Variants in LITAF observed in about 807,000 individuals in gnomAD.
LITAF encodes lipopolysaccharide-induced tumor necrosis factor-alpha factor.
In LITAF, 9 loss-of-function variants were observed where a neutral mutation model predicts 14.5. That is an observed-to-expected ratio of 0.62 (90% CI 0.37 to 1.08). The LOEUF is 1.08. Among genes scored for constraint, LITAF ranks in the 50% least tolerant of loss-of-function variants. The pLI is 0.01. For missense variants in LITAF, 206 were observed against 213.4 expected, an observed-to-expected ratio of 0.97 and a Z score of 0.22; for synonymous variants, 98 against 88.2, an observed-to-expected ratio of 1.11 and a Z score of -0.62.
At chr16:11,590,288 A>G (rs182064039), upstream of LITAF, among the ~76,000 whole-genome samples, 1 of 118,578 alleles carries the variant, frequency 8.4e-6, no homozygotes, top group Admixed American at 8.2e-5. Flanking sequence ...AAGATTTAAT[A>G]TAGTTAAAGT....
At chr16:11,567,871 C>G (rs371673124) in intron 1 of LITAF, among the ~76,000 whole-genome samples, 36 of 152,298 alleles carry the variant, frequency 2.4e-4, no homozygotes, top group African/African-American at 8.2e-4. Flanking sequence ...GTAATCCCAG[C>G]TATGTGGGTG....
At chr16:11,568,058 C>T (rs146452663) in intron 1 of LITAF, among the ~76,000 whole-genome samples, 4 of 151,928 alleles carry the variant, frequency 2.6e-5, no homozygotes, top group Non-Finnish European at 2.9e-5. Context: ...AAGCCCAAGG[C>T]GGGAGGATGG....
At chr16:11,630,369 G>A (rs978331425) in intron 3 of LITAF, among the ~76,000 whole-genome samples, 2 of 152,096 alleles carry the variant, frequency 1.3e-5, no homozygotes, top group African/African-American at 4.8e-5. Context: ...CTTTAAACTC[G>A]CCAATGATGT....
At chr16:11,598,072 A>G (rs2141860235) in intron 1 of LITAF, among the ~76,000 whole-genome samples, 1 of 152,122 alleles carries the variant, frequency 6.6e-6, no homozygotes, top group African/African-American at 2.4e-5. Flanking sequence ...CGCCCGGGTA[A>G]TTTTTTACTT....
rs370929685 is a variant in LITAF, at chr16:11,613,493, T to G, written c.85+20040A>C. On this transcript the variant is annotated intron_variant, in intron 3 of 3. Transcript: ENST00000574848. ...GTGTGTTGTTCCGCCTGTTTAGACC[T>G]GCCCCACCTCGAAGACATCGGTGAT... Among the ~76,000 whole-genome samples the G allele has an allele frequency of 1.6e-4, 25 of 152,324 alleles. No individual in the cohort carries two copies. The East Asian group carries it at 4.6e-3, about 28-fold the overall frequency.
At chr16:11,596,155 C>T (rs1431962642) in intron 1 of LITAF, among the ~76,000 whole-genome samples, 11 of 152,086 alleles carry the variant, frequency 7.2e-5, no homozygotes, top group Admixed American at 5.9e-4. Context: ...GGGTGTGGGA[C>T]CATCCCAGAA....
At chr16:11,584,433 T>A (rs2868424) in intron 1 of LITAF, 33,710 of 152,008 alleles carry the variant, frequency 0.22, 4,167 homozygotes, top group East Asian at 0.49. Context: ...GTCAGCAAAA[T>A]ATGCACTGTT....
intron 3 of LITAF, among the ~76,000 whole-genome samples, chr16:11,603,586 C>A (rs567562403): frequency 3.9e-5 from 6 of 152,340 alleles, no homozygotes; most frequent in Middle Eastern, 3.4e-3. Context: ...GACACAGCTG[C>A]CTGGCAAGGT....
At chr16:11,588,216 C>A (rs899237774), upstream of LITAF, among the ~76,000 whole-genome samples, 1 of 152,106 alleles carries the variant, frequency 6.6e-6, no homozygotes, top group African/African-American at 2.4e-5. Context: ...ATGAAGGGGG[C>A]GGGTGCAGTG....
intron 1 of LITAF, among the ~76,000 whole-genome samples, chr16:11,583,323 A>C (rs2064766426): frequency 6.6e-6 from 1 of 152,216 alleles, no homozygotes; most frequent in South Asian, 2.1e-4. Context: ...AAATGCTTCC[A>C]TCGGGGAGTT....
chr16:11,557,737 C>A (rs1011860032), intron 1 of LITAF, among the ~76,000 whole-genome samples: 1 of 152,214 alleles, frequency 6.6e-6, no homozygotes, highest in African/African-American at 2.4e-5. Context: ...AGGCATGAGC[C>A]ACCGCGCCCA....
At chr16:11,556,848 TC>T in intron 1 of LITAF, 113 bp from the exon 2 acceptor site, 1 of 925,506 alleles carries the variant, frequency 1.1e-6, no homozygotes, top group Non-Finnish European at 1.7e-6. Flanking sequence ...GAAAATGACT[TC>T]CATCCAGCTT....
At position 11,605,429 on chromosome 16, in the gene LITAF, C is replaced by T. The variant is rs1351124962; in HGVS notation, c.85+28104G>A. Among the ~76,000 whole-genome samples the T allele has an allele frequency of 2.0e-5, 3 of 152,170 alleles. No individual in the cohort carries two copies. The highest frequency in any genetic ancestry group is 2.9e-5 in the Non-Finnish European group (2 of 68,026). ...GGGAAAGGAGCACAGCTAGCACTGC[C>T]CTGGGCTCCCTTCACAGTGTGGGGG... On this transcript the variant is annotated intron_variant, in intron 3 of 3. Coordinates refer to the LITAF transcript ENST00000574848. This position sits in a 1 kb window ranked among gnomAD's most constrained non-coding sequence, Gnocchi z 4.7.
intron 3 of LITAF, among the ~76,000 whole-genome samples, chr16:11,612,002 G>C (rs980849458): frequency 2.0e-5 from 3 of 152,138 alleles, no homozygotes; most frequent in Non-Finnish European, 2.9e-5. Context: ...ACAGGATATG[G>C]AGTGTGACAA....
At chr16:11,581,183 T>G (rs2064727138) in intron 1 of LITAF, among the ~76,000 whole-genome samples, 1 of 152,260 alleles carries the variant, frequency 6.6e-6, no homozygotes. Context: ...TGTATGTATT[T>G]TCATCCGTTA....
intron 3 of LITAF, among the ~76,000 whole-genome samples, chr16:11,627,969 G>A (rs12923094): frequency 0.61 from 89,190 of 146,430 alleles, 27,196 homozygotes; most frequent in South Asian, 0.81. Context: ...GTGAGATTGC[G>A]TCACTGCACT....
chr16:11,553,659 G>C lies in LITAF; in HGVS notation c.251C>G (p.Pro84Arg). The change falls in exon 3 of 4, where the codon CCC becomes CGC. Residue 84 changes from proline (P) to arginine (R), a missense_variant. Coordinates refer to ENST00000622633, the MANE Select transcript of LITAF (RefSeq NM_001136472.2). This position sits in a 1 kb window ranked among gnomAD's most constrained non-coding sequence, Gnocchi z 7.7. ...GATAGGGCGGTCCAAAAAGGTGATG[G>C]GGTGCTGCACGTAGACCGTCTGCAC... ...ITVQTVYVQH[P>R]ITFLDRPIQM... The C allele has an allele frequency of 6.2e-7, 1 of 1,614,140 alleles. No individual in the cohort carries two copies. The highest frequency in any genetic ancestry group is 8.5e-7 in the Non-Finnish European group (1 of 1,180,016).
At chr16:11,595,679 A>G (rs957743920) in intron 1 of LITAF, among the ~76,000 whole-genome samples, 1 of 152,228 alleles carries the variant, frequency 6.6e-6, no homozygotes, top group African/African-American at 2.4e-5. Flanking sequence ...CAGTGAGCTG[A>G]GATCGTGCCA....
intron 1 of LITAF, among the ~76,000 whole-genome samples, chr16:11,563,644 T>C (rs1427232195): frequency 6.6e-6 from 1 of 152,080 alleles, no homozygotes; most frequent in South Asian, 2.1e-4. Flanking sequence ...ACTCATTCTG[T>C]CACTGGGCAC....
Sources: allele counts gnomAD v4.1 joint callset (sites outside exome capture counted in the v4.1 genomes callset), GRCh38; gene constraint gnomAD v4.1.1; non-coding constraint Gnocchi (gnomAD v3.1); transcripts MANE v1.5; gene names NCBI Gene and HGNC (gene_info 2026-07-23, HGNC 2026-07-21).